Variants in MAGI1 observed in about 807,000 individuals in gnomAD.
MAGI1 encodes membrane associated guanylate kinase, WW and PDZ domain containing 1.
Under a neutral mutation model 139.9 loss-of-function variants are expected in MAGI1, and 58 were observed. The ratio of observed to expected loss-of-function variants is 0.41; its 90% CI spans 0.34 to 0.52. MAGI1 has a LOEUF of 0.52. Among genes scored for constraint, MAGI1 ranks in the 20% least tolerant of loss-of-function variants. The pLI, the probability that MAGI1 is intolerant of heterozygous loss-of-function variation, is 0.12. For missense variants in MAGI1, 1,874 were observed against 1,901.6 expected, an observed-to-expected ratio of 0.99 and a Z score of 0.27; for synonymous variants, 812 against 737.9, an observed-to-expected ratio of 1.10 and a Z score of -1.63.
rs1267830843 is a variant in MAGI1, at chr3:65,825,285, C to A, written c.314-203197G>T. Among the ~76,000 whole-genome samples, 9 of 152,318 alleles carry A rather than the reference C, an allele frequency of 5.9e-5. 1 individual carries two copies. In the South Asian group the frequency reaches 8.3e-4, roughly 14 times the overall value. On this transcript the variant is annotated intron_variant, in intron 1 of 22. Coordinates refer to ENST00000402939, the MANE Select transcript of MAGI1 (RefSeq NM_001033057.2). The stretch of plus-strand genomic sequence containing the variant: ...CTCTTCTCATCTTTAGAATCTATCT[C>A]CCATTTGAACAATACTTCTTTTAAA...
chr3:65,509,943 G>A (rs536930181), intron 2 of MAGI1, among the ~76,000 whole-genome samples: 6 of 152,282 alleles, frequency 3.9e-5, no homozygotes, highest in South Asian at 2.1e-4. Flanking sequence ...CTCCCAGCAC[G>A]CAGAAGGAGA....
At position 65,548,906 on chromosome 3, in the gene MAGI1, G is replaced by C. The variant is rs568638186; in HGVS notation, c.431-55275C>G. Among the ~76,000 whole-genome samples, 863 of 152,304 alleles carry C rather than the reference G, an allele frequency of 5.7e-3. 11 individuals carry two copies. Among genetic ancestry groups the C allele is most frequent in the Middle Eastern group, 0.01 (3 of 294 alleles). ...GTTCATTAAGTGGCAGCAGGCCAGG[G>C]AAGCGGGGTCGGCGGGAACGGGAGG... On this transcript the variant is annotated intron_variant, in intron 2 of 22. Transcript: ENST00000402939.
rs2106749314 is a variant in MAGI1 at position 65,364,881 on chromosome 3, G to C, written c.3262C>G (p.Pro1088Ala). ...KIATITTTHT[P>A]SQQGTQETRN... ...GTCTCCTGGGTCCCTTGCTGAGAAG[G>C]GGTGTGTGTGGTGGTGATGGTGGCA... Residue 1088 changes from proline (P) to alanine (A), a missense_variant, in exon 19 of 23, where the codon CCT (proline) becomes GCT (alanine). By Grantham distance (27) the Pro-to-Ala change is conservative. Transcript: ENST00000402939. The C allele has an allele frequency of 6.2e-7, 1 of 1,614,062 alleles. No individual in the cohort carries two copies. The highest frequency in any genetic ancestry group is 8.5e-7 in the Non-Finnish European group (1 of 1,179,968).
At chr3:65,425,141 A>G (rs960788767) in intron 12 of MAGI1, among the ~76,000 whole-genome samples, 1 of 135,816 alleles carries the variant, frequency 7.4e-6, no homozygotes, top group African/African-American at 2.7e-5. Flanking sequence ...AACAAAAAAA[A>G]ACACACATGC....
At chr3:65,570,090 T>C (rs1366599419) in intron 2 of MAGI1, among the ~76,000 whole-genome samples, 2 of 146,082 alleles carry the variant, frequency 1.4e-5, no homozygotes, top group East Asian at 2.0e-4. Flanking sequence ...ATTATTATTA[T>C]TATTATTATT....
intron 1 of MAGI1, among the ~76,000 whole-genome samples, chr3:65,781,291 T>C (rs1346503525): frequency 6.6e-6 from 1 of 152,104 alleles, no homozygotes; most frequent in Non-Finnish European, 1.5e-5. Context: ...ACTGACACAA[T>C]ACAAGATATC....
intron 1 of MAGI1, among the ~76,000 whole-genome samples, chr3:65,797,010 G>A (rs1228133910): frequency 6.6e-6 from 1 of 152,000 alleles, no homozygotes; most frequent in African/African-American, 2.4e-5. Flanking sequence ...CTAATCATCT[G>A]TATTTTTTTT....
chr3:65,530,806 C>CACATATATACACGTATATATATATATAT (rs1559643114), intron 2 of MAGI1, among the ~76,000 whole-genome samples: 1 of 42,092 alleles, frequency 2.4e-5, no homozygotes, highest in African/African-American at 1.0e-4. Context: ...TATATATATA[C>CACATATATACACGTATATATATATATAT]ACACATATAT....
chr3:65,549,338 C>T, intron 2 of MAGI1: 2 of 745,960 alleles, frequency 2.7e-6, no homozygotes, highest in Non-Finnish European at 3.3e-6. Context: ...CAGTCTCCTT[C>T]CTCCCTTCCT....
At chr3:65,591,559 T>C (rs981914478) in intron 2 of MAGI1, among the ~76,000 whole-genome samples, 8 of 152,172 alleles carry the variant, frequency 5.3e-5, no homozygotes, top group South Asian at 2.1e-4. Context: ...CAGTGAGGCT[T>C]TGTGAATGTT....
At chr3:65,410,666 A>G (rs1365839044) in intron 12 of MAGI1, among the ~76,000 whole-genome samples, 2 of 152,226 alleles carry the variant, frequency 1.3e-5, no homozygotes, top group Non-Finnish European at 2.9e-5. Flanking sequence ...TTGGGAAGAC[A>G]GTTCTTTTCT....
chr3:65,703,833 G>A (rs927912003), intron 1 of MAGI1, among the ~76,000 whole-genome samples: 1 of 152,140 alleles, frequency 6.6e-6, no homozygotes, highest in African/African-American at 2.4e-5. Flanking sequence ...ATTAGTAATA[G>A]CAATGAGGAT....
intron 1 of MAGI1, among the ~76,000 whole-genome samples, chr3:65,623,894 T>A (rs556151779): frequency 1.3e-5 from 2 of 152,264 alleles, no homozygotes; most frequent in East Asian, 3.9e-4. Flanking sequence ...GGTCATTCAA[T>A]CATTCATCAA....
At chr3:65,578,291 GT>G (rs1388587850) in intron 2 of MAGI1, among the ~76,000 whole-genome samples, 1 of 151,976 alleles carries the variant, frequency 6.6e-6, no homozygotes, top group Non-Finnish European at 1.5e-5. Flanking sequence ...GTTCTGTTTT[GT>G]TTCTGGACAT....
chr3:65,757,334 T>C (rs1367449065), intron 1 of MAGI1, among the ~76,000 whole-genome samples: 2 of 152,160 alleles, frequency 1.3e-5, no homozygotes, highest in Admixed American at 1.3e-4. Flanking sequence ...GGTCACATTT[T>C]TCAAAAATGT....
At chr3:65,866,746 T>C (rs1316831373) in intron 1 of MAGI1, among the ~76,000 whole-genome samples, 1 of 152,060 alleles carries the variant, frequency 6.6e-6, no homozygotes, top group Non-Finnish European at 1.5e-5. Context: ...CTTCTAAGTT[T>C]GATTGTTTCC....
intron 4 of MAGI1, 102 bp from the exon 5 acceptor site, chr3:65,470,586 T>A: frequency 1.5e-6 from 1 of 678,742 alleles, no homozygotes; most frequent in Non-Finnish European, 2.5e-6. Flanking sequence ...ACTATACACA[T>A]CTATATTCTT....
chr3:65,721,888 G>T (rs976953989), intron 1 of MAGI1, among the ~76,000 whole-genome samples: 1 of 151,542 alleles, frequency 6.6e-6, no homozygotes, highest in Non-Finnish European at 1.5e-5. Flanking sequence ...AATTCTGGAG[G>T]TCGACTAAGG....
At chr3:65,612,124 A>T (rs949748137) in intron 2 of MAGI1, among the ~76,000 whole-genome samples, 2 of 152,138 alleles carry the variant, frequency 1.3e-5, no homozygotes, top group African/African-American at 4.8e-5. Context: ...GTAAGGGGGA[A>T]GAGAGACAAA....
Sources: gnomAD v4.1 joint callset for allele counts (sites outside exome capture counted in the v4.1 genomes callset) on GRCh38, gnomAD v4.1.1 for gene constraint, MANE v1.5 for transcripts, NCBI Gene and HGNC (gene_info 2026-07-23, HGNC 2026-07-21) for gene names.